Variants in RNF150 observed in about 807,000 individuals in gnomAD.
RNF150 encodes ring finger protein 150.
RNF150 carries 24 observed loss-of-function variants against 39.3 expected under a neutral mutation model. The ratio of observed to expected loss-of-function variants is 0.61; its 90% CI spans 0.44 to 0.86. The LOEUF (loss-of-function observed/expected upper bound fraction) is 0.86. Among genes scored for constraint, RNF150 ranks in the 40% least tolerant of loss-of-function variants. The probability of loss-of-function intolerance (pLI) is 0.00; values close to 1 mark genes in which losing one functional copy is unlikely to be tolerated. For synonymous variants in RNF150, 255 were observed against 227.3 expected (o/e 1.12, Z -1.10); for missense variants, 502 against 587.8 (o/e 0.85, Z 1.51).
intron 1 of RNF150, among the ~76,000 whole-genome samples, chr4:141,144,330 G>A (rs1727167310): frequency 6.6e-6 from 1 of 152,162 alleles, no homozygotes; most frequent in African/African-American, 2.4e-5. Flanking sequence ...GCACATATCA[G>A]ACTAAGCTTT....
chr4:141,099,369 T>C (rs1738920961), intron 1 of RNF150, among the ~76,000 whole-genome samples: 1 of 152,092 alleles, frequency 6.6e-6, no homozygotes, highest in Non-Finnish European at 1.5e-5. Context: ...CAGTTATCAA[T>C]ATCAGATTGA....
At chr4:140,892,471 T>C (rs1729788124) in intron 6 of RNF150, among the ~76,000 whole-genome samples, 1 of 152,206 alleles carries the variant, frequency 6.6e-6, no homozygotes, top group South Asian at 2.1e-4. Flanking sequence ...TTTATTAACT[T>C]AAAAAACCAC....
intron 3 of RNF150, 104 bp from the exon 4 acceptor site, chr4:140,947,840 G>A (rs562700100): frequency 5.8e-6 from 4 of 688,698 alleles, no homozygotes; most frequent in African/African-American, 5.7e-5. Flanking sequence ...AAAGCTTTCC[G>A]CTGTGCTGGT....
At chr4:140,996,770 C>T (rs987913498) in intron 1 of RNF150, among the ~76,000 whole-genome samples, 3 of 152,172 alleles carry the variant, frequency 2.0e-5, no homozygotes, top group Non-Finnish European at 4.4e-5. Flanking sequence ...TTGGAGAGTC[C>T]TGTAGTCCAG....
intron 1 of RNF150, among the ~76,000 whole-genome samples, chr4:141,172,531 G>A (rs1378580829): frequency 1.3e-5 from 2 of 151,784 alleles, no homozygotes; most frequent in South Asian, 2.1e-4. Context: ...TTGAGATATC[G>A]TGGACTTAGC....
intron 1 of RNF150, among the ~76,000 whole-genome samples, chr4:141,009,518 A>G (rs1378807094): frequency 6.6e-6 from 1 of 152,192 alleles, no homozygotes; most frequent in Non-Finnish European, 1.5e-5. Flanking sequence ...GGTGGATGAT[A>G]TTTACCTATC....
intron 1 of RNF150, among the ~76,000 whole-genome samples, chr4:141,176,665 T>C (rs1727820141): frequency 6.6e-6 from 1 of 152,170 alleles, no homozygotes; most frequent in Non-Finnish European, 1.5e-5. Context: ...AATAACTCAT[T>C]TGATGCCTTG....
chr4:140,948,010 T>C (rs1265909775), intron 3 of RNF150, among the ~76,000 whole-genome samples: 1 of 152,216 alleles, frequency 6.6e-6, no homozygotes, highest in East Asian at 1.9e-4. Context: ...AGAGGCAACA[T>C]ATCAAAATTT....
Position 141,005,791 on chromosome 4 carries a change from G to A in RNF150, c.485-37918C>T, listed in dbSNP as rs1326763212. On this transcript the variant is annotated intron_variant, in intron 1 of 6. Transcript: ENST00000515673. Reference sequence around the variant, plus strand: ...AGATAAGAAATATTTTAAAAGGGCCGGGCGCGGTGGCTCACGCCTGTAATC... The same window carrying A: ...AGATAAGAAATATTTTAAAAGGGCCAGGCGCGGTGGCTCACGCCTGTAATC... 2.7e-5 allele frequency among the ~76,000 whole-genome samples: 4 copies of A among 150,726 alleles called. 1 individual carries two copies. The highest frequency in any genetic ancestry group is 5.9e-5 in the Non-Finnish European group (4 of 67,516).
intron 1 of RNF150, among the ~76,000 whole-genome samples, chr4:141,114,203 AAATTGATG>A (rs1290350049): frequency 6.6e-6 from 1 of 152,182 alleles, no homozygotes; most frequent in Non-Finnish European, 1.5e-5. Flanking sequence ...CCTTCAAAAA[AAATTGATG>A]AATCCAGGAG....
chr4:141,123,536 T>C (rs1726668101), intron 1 of RNF150, among the ~76,000 whole-genome samples: 3 of 152,030 alleles, frequency 2.0e-5, no homozygotes, highest in Non-Finnish European at 4.4e-5. Context: ...GCACCAAATG[T>C]CTACAAATGT....
intron 1 of RNF150, among the ~76,000 whole-genome samples, chr4:141,183,653 C>G (rs1384276510): frequency 6.6e-6 from 1 of 151,820 alleles, no homozygotes; most frequent in African/African-American, 2.4e-5. Flanking sequence ...TTAGGTATTT[C>G]TCCTAATGCT....
intron 1 of RNF150, among the ~76,000 whole-genome samples, chr4:141,189,721 G>T (rs1728072455): frequency 6.6e-6 from 1 of 152,148 alleles, no homozygotes. Context: ...ACCTACTCCA[G>T]CCTCAGTAAT....
chr4:140,920,626 T>A (rs1430002441), intron 5 of RNF150, among the ~76,000 whole-genome samples: 2 of 149,024 alleles, frequency 1.3e-5, no homozygotes, highest in Non-Finnish European at 3.0e-5. Flanking sequence ...GAAGTCGGTG[T>A]GGCGATTCCT....
chr4:141,151,193 C>G (rs1034846180), intron 1 of RNF150, among the ~76,000 whole-genome samples: 1 of 152,132 alleles, frequency 6.6e-6, no homozygotes, highest in African/African-American at 2.4e-5. Flanking sequence ...ATCCTCTAGC[C>G]TCAGCCTCCC....
chr4:140,887,232 C>A (rs959406928), intron 6 of RNF150, among the ~76,000 whole-genome samples: 1 of 152,132 alleles, frequency 6.6e-6, no homozygotes, highest in Non-Finnish European at 1.5e-5. Context: ...TAGATAAAAT[C>A]TTGAGAAATA....
chr4:140,920,697 T>A (rs145869275), intron 5 of RNF150, among the ~76,000 whole-genome samples: 3,669 of 152,082 alleles, frequency 0.024, 165 homozygotes, highest in African/African-American at 0.082. Context: ...GTATATACCC[T>A]AAGGATTATA....
chr4:141,165,110 A>T (rs1400183784), intron 1 of RNF150, among the ~76,000 whole-genome samples: 3 of 152,214 alleles, frequency 2.0e-5, no homozygotes, highest in Non-Finnish European at 4.4e-5. Flanking sequence ...AATAGTTACC[A>T]AGCAAACGGA....
chr4:140,883,630 G>A (rs1729455210), intron 6 of RNF150, among the ~76,000 whole-genome samples: 2 of 151,964 alleles, frequency 1.3e-5, no homozygotes, highest in African/African-American at 2.4e-5. Context: ...TAAGGTTTCT[G>A]CTAAGAAATC....
Sources: allele counts gnomAD v4.1 joint callset (sites outside exome capture counted in the v4.1 genomes callset), GRCh38; gene constraint gnomAD v4.1.1; transcripts MANE v1.5; gene names NCBI Gene and HGNC (gene_info 2026-07-23, HGNC 2026-07-21).